ADARB2: variants seen among roughly 807,000 people sequenced by gnomAD.
ADARB2 encodes the protein adenosine deaminase RNA specific B2 (inactive).
In ADARB2, 25 loss-of-function variants were observed where a neutral mutation model predicts 62.2. That is an observed-to-expected ratio of 0.40 (90% CI 0.29 to 0.56). ADARB2 has a LOEUF of 0.56. Ranked by LOEUF, ADARB2 falls within the 20% of genes least tolerant of loss-of-function variation. The pLI, the probability that ADARB2 is intolerant of heterozygous loss-of-function variation, is 0.43. For missense variants in ADARB2, 1,071 were observed against 1,077.4 expected, an observed-to-expected ratio of 0.99 and a Z score of 0.08; for synonymous variants, 572 against 500.8, an observed-to-expected ratio of 1.14 and a Z score of -1.90.
At chr10:1,347,758 G>A (rs547623030) in intron 3 of ADARB2, among the ~76,000 whole-genome samples, 174 of 152,296 alleles carry the variant, frequency 1.1e-3, no homozygotes, top group African/African-American at 4.1e-3. Flanking sequence ...TGGACCCCAC[G>A]TACGCAGTGC....
chr10:1,591,921 G>C (rs1833261926), intron 1 of ADARB2, among the ~76,000 whole-genome samples: 1 of 152,188 alleles, frequency 6.6e-6, no homozygotes, highest in Non-Finnish European at 1.5e-5. Flanking sequence ...GAAAACACAA[G>C]ATCGACCTCC....
chr10:1,714,838 C>T (rs1834996095), intron 1 of ADARB2, among the ~76,000 whole-genome samples: 1 of 152,150 alleles, frequency 6.6e-6, no homozygotes, highest in Non-Finnish European at 1.5e-5. Context: ...TCAGTGAAGC[C>T]TTAACAAGGG....
intron 1 of ADARB2, among the ~76,000 whole-genome samples, chr10:1,458,851 TCGAC>T (rs372725375): frequency 0.27 from 40,320 of 152,144 alleles, 5,609 homozygotes; most frequent in East Asian, 0.49. Flanking sequence ...GAACAAACAC[TCGAC>T]GGAACAAACA....
At chr10:1,460,009 C>T (rs61834369) in intron 1 of ADARB2, among the ~76,000 whole-genome samples, 26,191 of 56,502 alleles carry the variant, frequency 0.46, 5,194 homozygotes, top group Middle Eastern at 0.52. Context: ...AGTTTACCTG[C>T]GTAACAAACC....
At chr10:1,618,832 TA>T (rs1363981514) in intron 1 of ADARB2, among the ~76,000 whole-genome samples, 2 of 152,130 alleles carry the variant, frequency 1.3e-5, no homozygotes, top group Non-Finnish European at 2.9e-5. Flanking sequence ...TTAAAGCCAC[TA>T]AAAACAAATC....
intron 1 of ADARB2, among the ~76,000 whole-genome samples, chr10:1,664,184 G>C (rs1834285120): frequency 6.6e-6 from 1 of 152,010 alleles, no homozygotes; most frequent in Non-Finnish European, 1.5e-5. Context: ...CTGTGGGTCA[G>C]TATGTGGGTT....
intron 1 of ADARB2, among the ~76,000 whole-genome samples, chr10:1,445,332 C>T (rs1466359245): frequency 1.3e-5 from 2 of 151,432 alleles, no homozygotes; most frequent in Non-Finnish European, 2.9e-5. Context: ...TTCATCTGTC[C>T]ATTCGTTATT....
chr10:1,476,754 G>A (rs186974884), intron 1 of ADARB2, among the ~76,000 whole-genome samples: 1 of 152,284 alleles, frequency 6.6e-6, no homozygotes, highest in Non-Finnish European at 1.5e-5. Flanking sequence ...TGCATCCAGG[G>A]AGGCAGAGGC....
chr10:1,193,950 T>G (rs1836874920), intron 8 of ADARB2, among the ~76,000 whole-genome samples: 1 of 152,240 alleles, frequency 6.6e-6, no homozygotes, highest in Non-Finnish European at 1.5e-5. Context: ...GCTTTTCAAA[T>G]CTGCATTTGG....
chr10:1,372,257 C>G (rs922167456), intron 2 of ADARB2, among the ~76,000 whole-genome samples: 1 of 152,112 alleles, frequency 6.6e-6, no homozygotes, highest in Non-Finnish European at 1.5e-5. Flanking sequence ...GGGGGCTAAA[C>G]GATGGGTACA....
intron 1 of ADARB2, among the ~76,000 whole-genome samples, chr10:1,391,114 C>G (rs1223208544): frequency 6.6e-6 from 1 of 152,196 alleles, no homozygotes; most frequent in Non-Finnish European, 1.5e-5. Flanking sequence ...GCCTGCCCAG[C>G]TACTTAGGTC....
intron 1 of ADARB2, among the ~76,000 whole-genome samples, chr10:1,439,623 T>C (rs1327631976): frequency 5.5e-5 from 7 of 126,412 alleles, no homozygotes; most frequent in African/African-American, 2.0e-4. Flanking sequence ...ATGATGGGGC[T>C]CCTGAGTCTC....
chr10:1,345,694 A>C (rs986225594), intron 3 of ADARB2, among the ~76,000 whole-genome samples: 28 of 152,140 alleles, frequency 1.8e-4, no homozygotes, highest in Non-Finnish European at 3.7e-4. Flanking sequence ...GGGACAGGAC[A>C]AGAATTGTAG....
intron 3 of ADARB2, among the ~76,000 whole-genome samples, chr10:1,328,531 A>ATTAT (rs1227935872): frequency 6.6e-6 from 1 of 152,118 alleles, no homozygotes; most frequent in Non-Finnish European, 1.5e-5. Context: ...CAGTGCAAAC[A>ATTAT]TTATTACATA....
intron 2 of ADARB2, among the ~76,000 whole-genome samples, chr10:1,373,281 C>G (rs1222927507): frequency 7.1e-6 from 1 of 140,470 alleles, no homozygotes; most frequent in Non-Finnish European, 1.6e-5. Flanking sequence ...CTCACTGTGT[C>G]TCTCTGTCTC....
chr10:1,444,329 C>T (rs59814062), intron 1 of ADARB2, among the ~76,000 whole-genome samples: 12 of 95,826 alleles, frequency 1.3e-4, no homozygotes, highest in Admixed American at 3.6e-4. Flanking sequence ...ATCCTTCCAT[C>T]CACCCAGCCA....
chr10:1,524,499 A>T (rs1266291256), intron 1 of ADARB2, among the ~76,000 whole-genome samples: 1 of 152,234 alleles, frequency 6.6e-6, no homozygotes, highest in African/African-American at 2.4e-5. Flanking sequence ...TAATGGGTCA[A>T]TCAGCAAGAA....
intron 1 of ADARB2, among the ~76,000 whole-genome samples, chr10:1,728,672 C>G (rs1048873537): frequency 2.6e-5 from 4 of 152,178 alleles, no homozygotes; most frequent in African/African-American, 9.7e-5. Context: ...ATTATATGAA[C>G]TCTCACATTT....
chr10:1,360,696 C>A (rs529005156), intron 3 of ADARB2, among the ~76,000 whole-genome samples: 3 of 152,184 alleles, frequency 2.0e-5, no homozygotes, highest in African/African-American at 7.2e-5. Flanking sequence ...CCTTGGACGC[C>A]GCGTGCAGAG....
Sources: gnomAD v4.1 joint callset for allele counts (sites outside exome capture counted in the v4.1 genomes callset) on GRCh38, gnomAD v4.1.1 for gene constraint, MANE v1.5 for transcripts, NCBI Gene and HGNC (gene_info 2026-07-23, HGNC 2026-07-21) for gene names.